Variants in BMS1 observed in about 807,000 individuals in gnomAD.
BMS1 encodes the protein ribosome biogenesis protein BMS1 homolog.
A neutral mutation model predicts 138.7 loss-of-function variants in BMS1; 53 were observed. The observed-to-expected ratio is 0.38, with a 90% CI of 0.31 to 0.48. BMS1 has a LOEUF of 0.48. Among genes scored for constraint, BMS1 ranks in the 20% least tolerant of loss-of-function variants. BMS1 has a pLI of 0.97. For missense variants in BMS1, 1,360 were observed against 1,565.5 expected (o/e 0.87, Z 2.22); for synonymous variants, 504 against 539.9 (o/e 0.93, Z 0.92).
rs111400882 is a variant in BMS1 at position 42,797,003 on chromosome 10, G to A, written c.1759G>A (p.Val587Met). The A allele has an allele frequency of 1.2e-6, 2 of 1,614,214 alleles. No individual in the cohort carries two copies. Among genetic ancestry groups the A allele is most frequent in the East Asian group, 2.2e-5 (1 of 44,888 alleles). ...TTCTGGGCATTGCACAGCTGAAGAG[G>A]TGTTTGCATCTGAAGATGAATCTGA... ...FDSGHCTAEE[V>M]FASEDESEES... The change falls in exon 10 of 23, where the codon GTG (valine) becomes ATG (methionine). Residue 587 changes from valine to methionine, a missense_variant. Val to Met is a conservative substitution (Grantham distance 21). Transcript: ENST00000374518.
At position 42,796,724 on chromosome 10, in the gene BMS1, A is replaced by G; in HGVS notation, c.1480A>G (p.Ser494Gly). ...ACGGAAACTTGAGTTGGAAGAAGACAGTGAAATGGATTTGCCAGCATTTGC... is the reference window on the plus strand; with the variant it reads ...ACGGAAACTTGAGTTGGAAGAAGACGGTGAAATGGATTTGCCAGCATTTGC... ...KRRKLELEEDSEMDLPAFADS... is the reference protein window; with the variant it reads ...KRRKLELEEDGEMDLPAFADS... The change falls in exon 10 of 23, where the codon AGT (serine) becomes GGT (glycine). Residue 494 changes from serine to glycine, a missense_variant. Coordinates refer to ENST00000374518, the MANE Select transcript of BMS1 (RefSeq NM_014753.4). 1 of 1,614,256 alleles carries G rather than the reference A, an allele frequency of 6.2e-7. No individual in the cohort carries two copies. The highest frequency in any genetic ancestry group is 8.5e-7 in the Non-Finnish European group (1 of 1,180,042).
At chr10:42,806,587 T>G (rs1377139529) in intron 13 of BMS1, among the ~76,000 whole-genome samples, 1 of 151,942 alleles carries the variant, frequency 6.6e-6, no homozygotes, top group African/African-American at 2.4e-5. Context: ...ATACAAAAAT[T>G]AGCCAAGCGT....
chr10:42,834,154 G>A lies in BMS1; in HGVS notation c.*3058G>A, dbSNP rs993502817. The A allele has an allele frequency of 1.3e-5, 2 of 152,150 alleles. No individual in the cohort carries two copies. The highest frequency in any genetic ancestry group is 4.8e-5 in the African/African-American group (2 of 41,408). 9.4% of individuals were successfully genotyped at this position (152,150 alleles called of 1,614,324 possible). On this transcript the variant is annotated 3_prime_UTR_variant, in exon 23 of 23. Coordinates refer to ENST00000374518, the MANE Select transcript of BMS1 (RefSeq NM_014753.4). ...TTTGAAAACATATTGAACCTACAGT[G>A]TACATATCATTCCATGCCATTAAAT...
In BMS1 at chr10:42,831,098, C is replaced by G; in HGVS notation, c.*2C>G. 1 of 1,557,610 alleles carries G rather than the reference C, an allele frequency of 6.4e-7. No homozygotes were observed. Among genetic ancestry groups the G allele is most frequent in the Non-Finnish European group, 8.7e-7 (1 of 1,150,006 alleles). ...GGGGCTGAGGGCCAATTGCAGTGAG[C>G]CTTTGGACTGGAGGGACTGTCCCTG... On this transcript the variant is annotated 3_prime_UTR_variant, in exon 23 of 23. Coordinates refer to ENST00000374518, the MANE Select transcript of BMS1 (RefSeq NM_014753.4).
At position 42,791,630 on chromosome 10, in the gene BMS1, G is replaced by C; in HGVS notation, c.640G>C (p.Ala214Pro). The change falls in exon 6 of 23, where the codon GCC (alanine) becomes CCC (proline). Residue 214 changes from alanine (A) to proline (P), a missense_variant. Around this residue, in one of 3 missense-constraint regions of BMS1, gnomAD observed 238 missense variants for 311.1 expected, o/e 0.77. Coordinates refer to ENST00000374518, the MANE Select transcript of BMS1 (RefSeq NM_014753.4). Reference sequence around the variant, plus strand: ...TTAATTTTCCTCTAATGTTTAGGGTGCCAAGCTGTTCTACCTTTCTGGAAT... The same window carrying C: ...TTAATTTTCCTCTAATGTTTAGGGTCCCAAGCTGTTCTACCTTTCTGGAAT... Reference protein sequence around the residue: ...HRFWTEVYPGAKLFYLSGMVH... With the variant: ...HRFWTEVYPGPKLFYLSGMVH... The C allele has an allele frequency of 3.7e-6, 6 of 1,602,462 alleles. No individual in the cohort carries two copies. The highest frequency in any genetic ancestry group is 5.1e-6 in the Non-Finnish European group (6 of 1,176,910).
At position 42,798,679 on chromosome 10, in the gene BMS1, A is replaced by G. The variant is rs145091098; in HGVS notation, c.2247+54A>G. 3.0e-4 allele frequency: 473 copies of G among 1,595,250 alleles called. No homozygotes were observed. In the African/African-American group the frequency reaches 5.4e-3, roughly 18 times the overall value. ...TAGAGAATTAGCGAATTGTTCTAGA[A>G]TAAGATTATCTGATGTCAATATTGC... On this transcript the variant is annotated intron_variant, in intron 12 of 22. Transcript: ENST00000374518.
intron 1 of BMS1, among the ~76,000 whole-genome samples, chr10:42,783,513 A>G (rs1369064146): frequency 6.6e-6 from 1 of 152,020 alleles, no homozygotes; most frequent in African/African-American, 2.4e-5. Context: ...TATTTATTCA[A>G]CGGAATGAAT....
chr10:42,830,181 T>C, intron 21 of BMS1, 80 bp from the exon 22 acceptor site: 1 of 1,521,452 alleles, frequency 6.6e-7, no homozygotes, highest in Non-Finnish European at 9.0e-7. Flanking sequence ...AGTCAACCCA[T>C]TGAGAAGATT....
At chr10:42,825,391 C>T (rs1375125494) in intron 21 of BMS1, among the ~76,000 whole-genome samples, 3 of 152,300 alleles carry the variant, frequency 2.0e-5, no homozygotes, top group East Asian at 1.9e-4. Context: ...CTTTGGGTAG[C>T]GTGAACATTT....
At chr10:42,787,056 TA>T in intron 3 of BMS1, 111 bp from the exon 4 acceptor site, 1 of 809,512 alleles carries the variant, frequency 1.2e-6, no homozygotes, top group Non-Finnish European at 2.1e-6. Context: ...TATGCTCCTG[TA>T]AATGTATATG....
In BMS1 at chr10:42,797,095, T is replaced by C. The variant is rs1469402304; in HGVS notation, c.1851T>C (p.Leu617=). 1.9e-6 allele frequency: 3 copies of C among 1,614,072 alleles called. No homozygotes were observed. In the African/African-American group the frequency reaches 4.0e-5, roughly 22 times the overall value. ...SENEEAIRKK[L]SKPSQVSSGQ... is the part of the protein sequence containing the mutation. Reference sequence around the variant, plus strand: ...ATGAAGAGGCTATTAGAAAAAAGCTTTCAAAGCCTTCTCAAGTGAGCAGTG... The same window carrying C: ...ATGAAGAGGCTATTAGAAAAAAGCTCTCAAAGCCTTCTCAAGTGAGCAGTG... The change falls in exon 10 of 23, where the codon CTT becomes CTC. Residue 617 remains leucine, a synonymous_variant. Coordinates refer to ENST00000374518, the MANE Select transcript of BMS1 (RefSeq NM_014753.4).
At chr10:42,795,009 C>A (rs1184119427) in intron 9 of BMS1, among the ~76,000 whole-genome samples, 1 of 150,610 alleles carries the variant, frequency 6.6e-6, no homozygotes, top group African/African-American at 2.4e-5. Context: ...TGAGAATATG[C>A]GGTGTTTGGT....
chr10:42,802,250 TG>T (rs1841894182), intron 13 of BMS1, 32 bp downstream of exon 13: 1 of 1,587,180 alleles, frequency 6.3e-7, no homozygotes, highest in Non-Finnish European at 8.6e-7. Context: ...TCAGGAAGAC[TG>T]GCTTCTCTAA....
intron 13 of BMS1, among the ~76,000 whole-genome samples, chr10:42,810,990 AT>A (rs1280334982): frequency 2.0e-5 from 3 of 150,838 alleles, no homozygotes; most frequent in African/African-American, 7.3e-5. Flanking sequence ...TGTTTCATTG[AT>A]TTTCTCTGTT....
At chr10:42,784,867 G>A (rs994797080) in intron 2 of BMS1, among the ~76,000 whole-genome samples, 1 of 152,166 alleles carries the variant, frequency 6.6e-6, no homozygotes, top group Non-Finnish European at 1.5e-5. Flanking sequence ...CCCCAGGTAT[G>A]TTTTACATAG....
chr10:42,820,209 G>A (rs1842464017), intron 15 of BMS1, 27 bp from the exon 16 acceptor site: 2 of 1,605,242 alleles, frequency 1.2e-6, no homozygotes, highest in Non-Finnish European at 1.7e-6. Flanking sequence ...ACAGCATACA[G>A]GTTTTTTTAT....
intron 13 of BMS1, among the ~76,000 whole-genome samples, chr10:42,805,422 GT>G (rs2132338489): frequency 6.6e-6 from 1 of 152,230 alleles, no homozygotes; most frequent in South Asian, 2.1e-4. Context: ...ACTTTAGGTA[GT>G]TTTTCAAACT....
chr10:42,808,424 G>A (rs929463592), intron 13 of BMS1, among the ~76,000 whole-genome samples: 14 of 151,262 alleles, frequency 9.3e-5, no homozygotes, highest in African/African-American at 3.4e-4. Context: ...TCAGCCTCCC[G>A]AGTAGCTGGG....
rs1485522553 is a variant in BMS1, at chr10:42,792,992, C to T, written c.937C>T (p.Leu313Phe). ...GDFAVSDISF[L>F]PDPCALPEQQ... ...TTTTGCCGTGAGTGACATCAGTTTCCTCCCAGACCCTTGCGCTCTTCCTGA... is the reference window on the plus strand; with the variant it reads ...TTTTGCCGTGAGTGACATCAGTTTCTTCCCAGACCCTTGCGCTCTTCCTGA... Residue 313 changes from leucine (L) to phenylalanine (F), a missense_variant, in exon 8 of 23, where the codon CTC (leucine) becomes TTC (phenylalanine). This residue lies in a region of BMS1 where 697 missense variants were observed against 686.2 expected (regional missense o/e 1.02). Transcript: ENST00000374518. 1 of 1,612,794 alleles carries T rather than the reference C, an allele frequency of 6.2e-7. No homozygotes were observed. Among genetic ancestry groups the T allele is most frequent in the Non-Finnish European group, 8.5e-7 (1 of 1,179,734 alleles).
Sources: allele counts gnomAD v4.1 joint callset (sites outside exome capture counted in the v4.1 genomes callset), GRCh38; gene constraint gnomAD v4.1.1; regional missense constraint gnomAD v4.1.1; transcripts MANE v1.5; gene names NCBI Gene and HGNC (gene_info 2026-07-23, HGNC 2026-07-21).